The following DCP1A variants were observed in gnomAD, a reference collection of about 807,000 sequenced individuals.
DCP1A encodes the protein decapping mRNA 1A.
A neutral mutation model predicts 58.0 loss-of-function variants in DCP1A; 20 were observed. The ratio of observed to expected loss-of-function variants is 0.34; its 90% CI spans 0.24 to 0.50. The LOEUF (loss-of-function observed/expected upper bound fraction) is 0.50. Among genes scored for constraint, DCP1A ranks in the 20% least tolerant of loss-of-function variants. The probability of loss-of-function intolerance (pLI) is 0.98; values close to 1 mark genes in which losing one functional copy is unlikely to be tolerated. For synonymous variants in DCP1A, 285 were observed against 275.1 expected (o/e 1.04, Z -0.36); for missense variants, 613 against 712.2 (o/e 0.86, Z 1.59).
intron 4 of DCP1A, among the ~76,000 whole-genome samples, chr3:53,314,477 T>C (rs535130455): frequency 5.9e-5 from 9 of 152,244 alleles, no homozygotes; most frequent in South Asian, 4.1e-4. Flanking sequence ...GTTTATTTAA[T>C]GCTCAAATAT....
At chr3:53,291,762 TG>T (rs1553686006) in intron 7 of DCP1A, among the ~76,000 whole-genome samples, 2 of 152,136 alleles carry the variant, frequency 1.3e-5, no homozygotes, top group African/African-American at 4.8e-5. Flanking sequence ...GAGACTGCCG[TG>T]GGAGATAGGG....
intron 5 of DCP1A, among the ~76,000 whole-genome samples, chr3:53,306,045 T>C (rs1707460668): frequency 6.6e-6 from 1 of 152,156 alleles, no homozygotes; most frequent in Non-Finnish European, 1.5e-5. Context: ...AAATGCAAGA[T>C]ATGAGATTTT....
chr3:53,326,987 C>G (rs879989589), intron 3 of DCP1A, among the ~76,000 whole-genome samples: 17 of 150,968 alleles, frequency 1.1e-4, no homozygotes, highest in South Asian at 6.5e-4. Flanking sequence ...CCCCCCCCCC[C>G]CAACTGGTAT....
Position 53,342,291 on chromosome 3 carries a change from A to G in DCP1A, c.177-20T>C, listed in dbSNP as rs531248271. ...GCTGACCTTAGATTTAATAGAAGAA[A>G]AAAAAATATGTAGTTACCATTTAAT... is the stretch of plus-strand genomic sequence containing the variant. On this transcript the variant is annotated intron_variant, in intron 2 of 9. Transcript: ENST00000610213. 5.8e-6 allele frequency: 9 copies of G among 1,545,532 alleles called. No homozygotes were observed. In the African/African-American group the frequency reaches 9.6e-5, roughly 16 times the overall value.
intron 6 of DCP1A, among the ~76,000 whole-genome samples, chr3:53,295,115 G>A (rs1707075974): frequency 1.3e-5 from 2 of 152,314 alleles, no homozygotes; most frequent in African/African-American, 2.4e-5. Context: ...CAGCAGCGAT[G>A]AGCATGCAGG....
intron 3 of DCP1A, among the ~76,000 whole-genome samples, chr3:53,324,365 C>A (rs949367189): frequency 6.6e-6 from 1 of 152,204 alleles, no homozygotes; most frequent in Non-Finnish European, 1.5e-5. Context: ...GGAGCTGCCA[C>A]GGAGCCTGTC....
At chr3:53,309,202 T>C (rs942082398) in intron 5 of DCP1A, among the ~76,000 whole-genome samples, 3 of 151,624 alleles carry the variant, frequency 2.0e-5, no homozygotes, top group Admixed American at 6.6e-5. Flanking sequence ...AAACCCTGTC[T>C]CTACTAAAAA....
In DCP1A at chr3:53,346,564, T is replaced by C. The variant is rs11915147; in HGVS notation, c.135+819A>G. 0.013 allele frequency among the ~76,000 whole-genome samples: 2,047 copies of C among 152,156 alleles called. 122 individuals carry two copies. In the South Asian group the frequency reaches 0.14, roughly 11 times the overall value. Reference sequence around the variant, plus strand: ...TTAGGAAGGGTCAATTACAAGAAAGTGGGAAATTATGCTTTTTAAACAACT... The same window carrying C: ...TTAGGAAGGGTCAATTACAAGAAAGCGGGAAATTATGCTTTTTAAACAACT... On this transcript the variant is annotated intron_variant, in intron 1 of 9. Coordinates refer to ENST00000610213, the MANE Select transcript of DCP1A (RefSeq NM_018403.7).
At chr3:53,341,356 G>A (rs555612380) in intron 3 of DCP1A, among the ~76,000 whole-genome samples, 2 of 152,200 alleles carry the variant, frequency 1.3e-5, no homozygotes, top group South Asian at 2.1e-4. Flanking sequence ...TTGGGAGGCC[G>A]AGCCAGGAGA....
chr3:53,320,788 C>A (rs1553689832), intron 3 of DCP1A, among the ~76,000 whole-genome samples: 1 of 152,182 alleles, frequency 6.6e-6, no homozygotes, highest in South Asian at 2.1e-4. Flanking sequence ...CCCCTCCCGT[C>A]CCTGACTCTT....
intron 4 of DCP1A, among the ~76,000 whole-genome samples, chr3:53,319,152 A>C (rs1553689589): frequency 6.6e-6 from 1 of 152,218 alleles, no homozygotes; most frequent in Non-Finnish European, 1.5e-5. Flanking sequence ...TTTTTGTAAA[A>C]AAACAATCAC....
intron 5 of DCP1A, among the ~76,000 whole-genome samples, chr3:53,305,703 T>C (rs1215207870): frequency 5.9e-5 from 9 of 152,330 alleles, no homozygotes; most frequent in South Asian, 4.1e-4. Flanking sequence ...TTGGGTCATA[T>C]GATAAATACA....
intron 4 of DCP1A, among the ~76,000 whole-genome samples, chr3:53,314,677 T>C (rs1354424088): frequency 2.8e-5 from 4 of 143,156 alleles, no homozygotes; most frequent in South Asian, 2.3e-4. Context: ...CTTTTTTTTT[T>C]TTTTTTTTTT....
Position 53,288,075 on chromosome 3 carries a change from T to C in DCP1A, c.1658A>G (p.His553Arg). 8 of 1,612,952 alleles carry C rather than the reference T, an allele frequency of 5.0e-6. No individual in the cohort carries two copies. The highest frequency in any genetic ancestry group is 6.8e-6 in the Non-Finnish European group (8 of 1,178,912). The change falls in exon 9 of 10, where the codon CAT becomes CGT. Residue 553 changes from histidine to arginine, a missense_variant. Coordinates refer to ENST00000610213, the MANE Select transcript of DCP1A (RefSeq NM_018403.7). ...TGGTATCCTACATACCTTTATTAGATGTATTAATGTATCCTGGAGCTGAGA... is the reference window on the plus strand; with the variant it reads ...TGGTATCCTACATACCTTTATTAGACGTATTAATGTATCCTGGAGCTGAGA... Reference protein sequence around the residue: ...SKSQLQDTLIHLIKNDSSFLS... With the variant: ...SKSQLQDTLIRLIKNDSSFLS...
At chr3:53,320,543 CTTTT>C (rs1219339684) in intron 3 of DCP1A, among the ~76,000 whole-genome samples, 1 of 152,082 alleles carries the variant, frequency 6.6e-6, no homozygotes, top group Non-Finnish European at 1.5e-5. Flanking sequence ...TATCATTATG[CTTTT>C]TTTAAGAAAA....
chr3:53,314,659 T>C (rs1487726342), intron 4 of DCP1A, among the ~76,000 whole-genome samples: 7 of 133,948 alleles, frequency 5.2e-5, no homozygotes, highest in African/African-American at 1.7e-4. Flanking sequence ...AATATTTCTT[T>C]TCTTTTTCTT....
chr3:53,324,023 T>G (rs1042503637), intron 3 of DCP1A, among the ~76,000 whole-genome samples: 1 of 152,184 alleles, frequency 6.6e-6, no homozygotes, highest in Non-Finnish European at 1.5e-5. Context: ...TCAAAGTAAG[T>G]CCATCAAAGC....
chr3:53,313,629 T>TTAAG (rs1707714519), intron 4 of DCP1A, among the ~76,000 whole-genome samples: 1 of 152,050 alleles, frequency 6.6e-6, no homozygotes, highest in African/African-American at 2.4e-5. Flanking sequence ...TTTGTTTTTT[T>TTAAG]TAAGATTCAT....
intron 3 of DCP1A, among the ~76,000 whole-genome samples, chr3:53,339,940 G>A (rs2089177784): frequency 6.6e-6 from 1 of 151,960 alleles, no homozygotes; most frequent in Admixed American, 6.5e-5. Flanking sequence ...TTCATTTTTT[G>A]AGTCAGGGTC....
Sources: allele counts gnomAD v4.1 joint callset (sites outside exome capture counted in the v4.1 genomes callset), GRCh38; gene constraint gnomAD v4.1.1; transcripts MANE v1.5; gene names NCBI Gene and HGNC (gene_info 2026-07-23, HGNC 2026-07-21).